Variants in MYH11 observed in about 807,000 individuals in gnomAD.
MYH11 encodes the protein myosin heavy chain 11, also known as myosin-11.
A neutral mutation model predicts 246.6 loss-of-function variants in MYH11; 80 were observed. The observed-to-expected ratio is 0.32, with a 90% confidence interval of 0.27 to 0.39. MYH11 has a LOEUF of 0.39. MYH11 is among the 10% of genes least tolerant of loss of function. The pLI is 1.00. For missense variants in MYH11, 2,158 were observed against 2,546.8 expected (o/e 0.85, Z 3.29); for synonymous variants, 1,071 against 1,015.5 (o/e 1.05, Z -1.04).
In MYH11 at chr16:15,715,176, C is replaced by G; in HGVS notation, c.5601G>C (p.Gln1867His). The change falls in exon 39 of 41, where the codon CAG becomes CAC. Residue 1867 changes from glutamine to histidine, a missense_variant. By Grantham distance (24) the Gln-to-His change is conservative. Around this residue, in one of 11 missense-constraint regions of MYH11, gnomAD observed 1,013 missense variants for 993.5 expected, o/e 1.02. Coordinates refer to ENST00000300036, the MANE Select transcript of MYH11 (RefSeq NM_002474.3). ...TGGCAGGGGCTACCTGCTCCTTGTA[C>G]TGCTCGGCCATCTTGCGCTCGTCCT... The part of the protein sequence containing the change: ...QVEDERKMAE[Q>H]YKEQAEKGNA... 1 of 1,613,778 alleles carries G rather than the reference C, an allele frequency of 6.2e-7. No homozygotes were observed. The highest frequency in any genetic ancestry group is 1.1e-5 in the South Asian group (1 of 91,076).
chr16:15,754,131 C>T (rs948490409), intron 14 of MYH11, among the ~76,000 whole-genome samples: 77 of 151,840 alleles, frequency 5.1e-4, no homozygotes, highest in Admixed American at 3.9e-3. Flanking sequence ...GCAGGAGAAT[C>T]GCTTCAGCCT....
intron 28 of MYH11, chr16:15,726,645 G>A (rs576049606): frequency 3.0e-6 from 2 of 659,350 alleles, no homozygotes; most frequent in South Asian, 1.8e-5. Context: ...TGGGATTACA[G>A]GCATGAGCCA....
At chr16:15,704,182 T>C (rs1324287905) in intron 40 of MYH11, 59 bp from the exon 41 acceptor site, 4 of 1,601,928 alleles carry the variant, frequency 2.5e-6, no homozygotes, top group African/African-American at 1.3e-5. Flanking sequence ...TGGGATAGAT[T>C]TTTTATAAAT....
At chr16:15,831,163 C>T (rs1013334922) in intron 2 of MYH11, among the ~76,000 whole-genome samples, 6 of 152,132 alleles carry the variant, frequency 3.9e-5, no homozygotes, top group East Asian at 1.9e-4. Context: ...GAGAGTGAGA[C>T]TCCATCTCGA....
intron 31 of MYH11, among the ~76,000 whole-genome samples, chr16:15,722,849 T>A (rs2040557334): frequency 6.6e-6 from 1 of 152,194 alleles, no homozygotes; most frequent in South Asian, 2.1e-4. Flanking sequence ...GTTCAAGCGA[T>A]TCTCCTGCCT....
intron 12 of MYH11, among the ~76,000 whole-genome samples, chr16:15,759,099 G>T (rs2041805511): frequency 6.6e-6 from 1 of 151,976 alleles, no homozygotes; most frequent in Non-Finnish European, 1.5e-5. Context: ...AACAGTTCTT[G>T]GCTTGGAGGT....
chr16:15,706,549 T>C (rs542935285), intron 40 of MYH11, among the ~76,000 whole-genome samples: 46 of 152,080 alleles, frequency 3.0e-4, no homozygotes, highest in Non-Finnish European at 5.1e-4. Context: ...CTCTACTAAA[T>C]ATACTAAATT....
chr16:15,828,896 G>A (rs1304857935), intron 2 of MYH11, among the ~76,000 whole-genome samples: 1 of 151,740 alleles, frequency 6.6e-6, no homozygotes, highest in East Asian at 1.9e-4. Context: ...TTAAAAAGAA[G>A]GAAGAGGCCG....
Position 15,823,343 on chromosome 16 carries a change from G to A in MYH11, c.414C>T (p.Ile138=), listed in dbSNP as rs1162127083. 6 of 1,614,046 alleles carry A rather than the reference G, an allele frequency of 3.7e-6. No homozygotes were observed. The highest frequency in any genetic ancestry group is 1.7e-5 in the Admixed American group (1 of 59,970). The change falls in exon 3 of 41, where the codon ATC becomes ATT. Residue 138 remains isoleucine, a synonymous_variant. Transcript: ENST00000300036. Reference sequence around the variant, plus strand: ...TCTTCTTGCCCTTGTACATGTCGACGATCTTCTCCGAGTAGATGGGCAGGT... The same window carrying A: ...TCTTCTTGCCCTTGTACATGTCGACAATCTTCTCCGAGTAGATGGGCAGGT... The part of the protein sequence containing the change: ...YKHLPIYSEK[I]VDMYKGKKRH...
Position 15,750,648 on chromosome 16 carries a change from G to T in MYH11, c.1865-317C>A, listed in dbSNP as rs190815944. Among the ~76,000 whole-genome samples the T allele has an allele frequency of 1.3e-5, 2 of 152,218 alleles. No individual in the cohort carries two copies. The highest frequency in any genetic ancestry group is 4.8e-5 in the African/African-American group (2 of 41,534). ...CAGTCTCCCTTTCTACAAAAGGGAG[G>T]TAATAATACCGTCTACCTTCTAGGG... is the stretch of plus-strand genomic sequence containing the variant. On this transcript the variant is annotated intron_variant, in intron 15 of 40. Coordinates refer to ENST00000300036, the MANE Select transcript of MYH11 (RefSeq NM_002474.3). This position sits in a 1 kb window ranked among gnomAD's most constrained non-coding sequence, Gnocchi z 4.3.
intron 2 of MYH11, among the ~76,000 whole-genome samples, chr16:15,831,443 G>A (rs2043733287): frequency 6.9e-6 from 1 of 145,936 alleles, no homozygotes; most frequent in Non-Finnish European, 1.5e-5. Flanking sequence ...CATACAAGGA[G>A]TGACTTTTTC....
intron 12 of MYH11, among the ~76,000 whole-genome samples, chr16:15,758,878 T>C (rs1157496086): frequency 6.7e-6 from 1 of 149,980 alleles, no homozygotes; most frequent in Non-Finnish European, 1.5e-5. Flanking sequence ...ACAAGAGAAT[T>C]GCTTGAACCC....
chr16:15,816,364 A>G (rs2043262969), intron 3 of MYH11, among the ~76,000 whole-genome samples: 1 of 152,164 alleles, frequency 6.6e-6, no homozygotes, highest in South Asian at 2.1e-4. Context: ...ACATTTAGAA[A>G]GAGATTTTGG....
intron 10 of MYH11, among the ~76,000 whole-genome samples, chr16:15,761,276 A>G (rs2041862437): frequency 6.6e-6 from 1 of 151,802 alleles, no homozygotes; most frequent in African/African-American, 2.4e-5. Context: ...ACACCCAGCT[A>G]ATTTCTTTTG....
At chr16:15,705,423 T>G (rs2039393781) in intron 40 of MYH11, among the ~76,000 whole-genome samples, 2 of 152,012 alleles carry the variant, frequency 1.3e-5, no homozygotes, top group Admixed American at 1.3e-4. Flanking sequence ...AGACTTTGGG[T>G]AGGAGGAAGA....
At chr16:15,810,085 G>A (rs12920294) in intron 3 of MYH11, among the ~76,000 whole-genome samples, 1 of 151,794 alleles carries the variant, frequency 6.6e-6, no homozygotes, top group Non-Finnish European at 1.5e-5. Context: ...CCAGGCTGGA[G>A]TGCAGTGGGG....
At chr16:15,809,100 C>T (rs780620405) in intron 3 of MYH11, among the ~76,000 whole-genome samples, 6 of 152,156 alleles carry the variant, frequency 3.9e-5, no homozygotes, top group Non-Finnish European at 8.8e-5. Context: ...GAAGCCTCCC[C>T]TGTCCTCCCA....
chr16:15,754,470 G>T (rs557887634), intron 14 of MYH11, among the ~76,000 whole-genome samples: 2 of 152,248 alleles, frequency 1.3e-5, no homozygotes, highest in South Asian at 4.1e-4. Flanking sequence ...TAATAGGTAG[G>T]CTTGATCTGA....
Position 15,786,507 on chromosome 16 carries a change from A to G in MYH11, c.633+123T>C, listed in dbSNP as rs771507063. On this transcript the variant is annotated intron_variant, in intron 5 of 40. Transcript: ENST00000300036. Reference sequence around the variant, plus strand: ...AAAGACGGTCCCTCTTTGAGTCTTCAGGGGAGGGGTAGTCAGATGGGGCCT... The same window carrying G: ...AAAGACGGTCCCTCTTTGAGTCTTCGGGGGAGGGGTAGTCAGATGGGGCCT... 5.3e-6 allele frequency: 5 copies of G among 951,944 alleles called. No homozygotes were observed. The East Asian group carries it at 1.2e-4, about 23-fold the overall frequency. 59.0% of individuals were successfully genotyped at this position (951,944 alleles called of 1,614,324 possible).
Sources: allele counts gnomAD v4.1 joint callset (sites outside exome capture counted in the v4.1 genomes callset), GRCh38; gene constraint gnomAD v4.1.1; regional missense constraint gnomAD v4.1.1; non-coding constraint Gnocchi (gnomAD v3.1); transcripts MANE v1.5; gene names NCBI Gene and HGNC (gene_info 2026-07-23, HGNC 2026-07-21).